The following RGS6 variants were observed in gnomAD, a reference collection of about 807,000 sequenced individuals.
RGS6 encodes the protein regulator of G protein signaling 6, also known as regulator of G-protein signaling 6.
Under a neutral mutation model 78.5 loss-of-function variants are expected in RGS6, and 30 were observed. The observed-to-expected ratio is 0.38, with a 90% CI of 0.29 to 0.52. RGS6 has a LOEUF of 0.52. RGS6 is among the 20% of genes least tolerant of loss of function. RGS6 has a pLI of 0.85. For missense variants in RGS6, 495 were observed against 609.7 expected, an observed-to-expected ratio of 0.81 and a Z score of 1.98; for synonymous variants, 206 against 206.0, an observed-to-expected ratio of 1.00 and a Z score of 0.00.
At chr14:72,052,059 G>T (rs901666399) in intron 2 of RGS6, among the ~76,000 whole-genome samples, 2 of 152,102 alleles carry the variant, frequency 1.3e-5, no homozygotes, top group African/African-American at 4.8e-5. Context: ...ATAGAAAGTA[G>T]GCATGCAGGG....
chr14:72,191,873 T>C (rs1193632777), intron 2 of RGS6, among the ~76,000 whole-genome samples: 1 of 152,206 alleles, frequency 6.6e-6, no homozygotes, highest in Non-Finnish European at 1.5e-5. Flanking sequence ...TGGCCCCTGC[T>C]CATCCTTCAG....
the RGS6 span, among the ~76,000 whole-genome samples, chr14:72,625,017 T>G: frequency 1.3e-5 from 2 of 152,192 alleles, no homozygotes; most frequent in African/African-American, 4.8e-5. Context: ...TTTTTCCCTT[T>G]GTAATATACT....
intron 6 of RGS6, among the ~76,000 whole-genome samples, chr14:72,463,231 C>T (rs1260941183): frequency 6.6e-6 from 1 of 152,132 alleles, no homozygotes; most frequent in Non-Finnish European, 1.5e-5. Flanking sequence ...ATTAAATATC[C>T]AAGAGAAACC....
intron 2 of RGS6, among the ~76,000 whole-genome samples, chr14:71,986,540 A>T (rs1009395929): frequency 4.4e-4 from 63 of 143,084 alleles, no homozygotes; most frequent in African/African-American, 1.5e-3. Context: ...ATCTCTATTT[A>T]AAAAAAAAAA....
At chr14:72,374,137 C>T (rs1402845436) in intron 3 of RGS6, among the ~76,000 whole-genome samples, 1 of 152,108 alleles carries the variant, frequency 6.6e-6, no homozygotes, top group Non-Finnish European at 1.5e-5. Flanking sequence ...ATGTGCACAA[C>T]ATGCAGGTTT....
At chr14:72,271,137 C>G (rs1470909278) in intron 2 of RGS6, among the ~76,000 whole-genome samples, 1 of 152,180 alleles carries the variant, frequency 6.6e-6, no homozygotes, top group African/African-American at 2.4e-5. Context: ...TATTGTTCCT[C>G]TCGTTTCACC....
intron 2 of RGS6, among the ~76,000 whole-genome samples, chr14:72,025,300 G>A (rs1045637972): frequency 2.6e-5 from 4 of 151,964 alleles, no homozygotes; most frequent in African/African-American, 4.8e-5. Flanking sequence ...TATCTGTCCC[G>A]TGTCTCGGTG....
At position 72,518,410 on chromosome 14, in the gene RGS6, T is replaced by G. The variant is rs1054072494; in HGVS notation, c.1151T>G (p.Val384Gly). ...CCCCTACAGGATGTGGCCAAGAGGG[T>G]AGAAGAAATCTGGCAAGAGTTTCTG... The part of the protein sequence containing the change: ...KQPLQDVAKR[V>G]EEIWQEFLAP... The change falls in exon 15 of 18, where the codon GTA becomes GGA. Residue 384 changes from valine (V) to glycine (G), a missense_variant. Transcript: ENST00000553525. 1 of 1,614,162 alleles carries G rather than the reference T, an allele frequency of 6.2e-7. No individual in the cohort carries two copies. The highest frequency in any genetic ancestry group is 2.2e-5 in the East Asian group (1 of 44,874).
chr14:71,981,675 A>G (rs1359174295), intron 2 of RGS6, among the ~76,000 whole-genome samples: 7 of 151,748 alleles, frequency 4.6e-5, no homozygotes, highest in East Asian at 1.9e-4. Context: ...TGGGAGAACC[A>G]CTGCTCTCTT....
At chr14:71,907,107 T>G in the RGS6 span, among the ~76,000 whole-genome samples, 1 of 152,208 alleles carries the variant, frequency 6.6e-6, no homozygotes, top group African/African-American at 2.4e-5. Context: ...AGACATGGTA[T>G]TGGATGTGGA....
chr14:72,485,758 A>G (rs2096477098), intron 12 of RGS6, among the ~76,000 whole-genome samples: 1 of 152,192 alleles, frequency 6.6e-6, no homozygotes, highest in Non-Finnish European at 1.5e-5. Flanking sequence ...AAAGGCAGCA[A>G]TGCTACTGAG....
intron 2 of RGS6, among the ~76,000 whole-genome samples, chr14:72,088,794 C>A (rs929426253): frequency 6.6e-6 from 1 of 152,216 alleles, no homozygotes; most frequent in Non-Finnish European, 1.5e-5. Context: ...CTCATCATGC[C>A]TTTCTGCCCT....
At chr14:72,055,440 G>A (rs960372405) in intron 2 of RGS6, among the ~76,000 whole-genome samples, 21 of 152,112 alleles carry the variant, frequency 1.4e-4, no homozygotes, top group African/African-American at 5.1e-4. Context: ...AGAAAACAAA[G>A]TATCATGCCT....
At chr14:72,262,009 A>T (rs1253409125) in intron 2 of RGS6, among the ~76,000 whole-genome samples, 2 of 152,164 alleles carry the variant, frequency 1.3e-5, no homozygotes, top group African/African-American at 4.8e-5. Context: ...TATATAAAAT[A>T]TGAAGACATT....
At chr14:72,398,226 A>C (rs541383903) in intron 3 of RGS6, among the ~76,000 whole-genome samples, 1 of 152,254 alleles carries the variant, frequency 6.6e-6, no homozygotes, top group African/African-American at 2.4e-5. Context: ...CCTCAATTTG[A>C]GAGCCTGTTA....
intron 12 of RGS6, among the ~76,000 whole-genome samples, chr14:72,491,460 C>T (rs1184884822): frequency 6.6e-6 from 1 of 152,088 alleles, no homozygotes; most frequent in Non-Finnish European, 1.5e-5. Context: ...TCCTCAAATG[C>T]AACATGTCAC....
At chr14:72,629,250 A>T in the RGS6 span, among the ~76,000 whole-genome samples, 1 of 152,208 alleles carries the variant, frequency 6.6e-6, no homozygotes, top group East Asian at 1.9e-4. Flanking sequence ...ATAAGATTGG[A>T]CGTGTACTGA....
chr14:72,429,666 G>T (rs1597395011), intron 3 of RGS6, among the ~76,000 whole-genome samples: 2 of 152,200 alleles, frequency 1.3e-5, no homozygotes, highest in African/African-American at 4.8e-5. Context: ...GGTGCCATAG[G>T]ATAGAAGTAG....
At chr14:72,470,346 G>T (rs1235617315) in intron 8 of RGS6, among the ~76,000 whole-genome samples, 1 of 152,214 alleles carries the variant, frequency 6.6e-6, no homozygotes, top group African/African-American at 2.4e-5. Flanking sequence ...ATAAGAAGGT[G>T]TACCTATTTC....
Sources: allele counts gnomAD v4.1 joint callset (sites outside exome capture counted in the v4.1 genomes callset), GRCh38; gene constraint gnomAD v4.1.1; transcripts MANE v1.5; gene names NCBI Gene and HGNC (gene_info 2026-07-23, HGNC 2026-07-21).